The following CGNL1 variants were observed in gnomAD, a reference collection of about 807,000 sequenced individuals.
CGNL1 encodes the protein cingulin-like protein 1.
CGNL1 carries 132 observed loss-of-function variants against 141.2 expected under a neutral mutation model. That is an observed-to-expected ratio of 0.93 (90% confidence interval 0.81 to 1.08). The LOEUF is 1.08. CGNL1 is among the 50% of genes least tolerant of loss of function. The probability of loss-of-function intolerance (pLI) is 0.00; values close to 1 mark genes in which losing one functional copy is unlikely to be tolerated. For missense variants in CGNL1, 1,870 were observed against 1,588.6 expected (o/e 1.18, Z -3.01); for synonymous variants, 690 against 622.1 (o/e 1.11, Z -1.63).
At chr15:57,486,085 T>G (rs754043616) in intron 8 of CGNL1, among the ~76,000 whole-genome samples, 2 of 152,144 alleles carry the variant, frequency 1.3e-5, no homozygotes, top group African/African-American at 4.8e-5. Context: ...GGGCCCGGGC[T>G]GACTCAGGCA....
chr15:57,533,059 C>T (rs1434976244), intron 14 of CGNL1, among the ~76,000 whole-genome samples: 2 of 152,210 alleles, frequency 1.3e-5, no homozygotes, highest in African/African-American at 2.4e-5. Flanking sequence ...CAAAGTAGAA[C>T]GTGAATCCCT....
At chr15:57,505,931 G>A (rs2064095925) in intron 8 of CGNL1, among the ~76,000 whole-genome samples, 1 of 152,204 alleles carries the variant, frequency 6.6e-6, no homozygotes, top group Non-Finnish European at 1.5e-5. Flanking sequence ...GTAGCAAAAT[G>A]GGAAAGTTGA....
At chr15:57,439,732 T>C in intron 2 of CGNL1, 131 bp downstream of exon 2, 1 of 934,592 alleles carries the variant, frequency 1.1e-6, no homozygotes, top group South Asian at 1.7e-5. Flanking sequence ...ACAGCTGATC[T>C]GTTTCAGGAT....
chr15:57,419,970 G>C (rs1398452709), intron 1 of CGNL1, among the ~76,000 whole-genome samples: 3 of 152,154 alleles, frequency 2.0e-5, no homozygotes, highest in South Asian at 2.1e-4. Flanking sequence ...TATAAGTGTG[G>C]ATTCATGGAT....
intron 1 of CGNL1, among the ~76,000 whole-genome samples, chr15:57,403,175 A>G (rs1396722016): frequency 1.3e-5 from 2 of 152,194 alleles, no homozygotes; most frequent in African/African-American, 4.8e-5. Flanking sequence ...CTGTCTGCTC[A>G]GTGGCAACCT....
At chr15:57,478,060 A>G (rs1214161308) in intron 8 of CGNL1, 1 of 152,194 alleles carries the variant, frequency 6.6e-6, no homozygotes, top group East Asian at 1.9e-4. Context: ...TAAGGCCCCA[A>G]AATAACTTCT....
At chr15:57,517,346 T>G (rs757117718) in intron 9 of CGNL1, among the ~76,000 whole-genome samples, 3 of 152,246 alleles carry the variant, frequency 2.0e-5, no homozygotes, top group African/African-American at 7.2e-5. Context: ...TATTCTTTTT[T>G]AACTCATTGT....
chr15:57,496,144 C>A (rs192243805), intron 8 of CGNL1, among the ~76,000 whole-genome samples: 1 of 152,094 alleles, frequency 6.6e-6, no homozygotes, highest in Admixed American at 6.5e-5. Flanking sequence ...CTTACCAAGG[C>A]GACAAATACA....
intron 4 of CGNL1, among the ~76,000 whole-genome samples, chr15:57,445,426 G>A (rs1246535784): frequency 6.6e-6 from 1 of 152,162 alleles, no homozygotes; most frequent in Admixed American, 6.5e-5. Flanking sequence ...TGCTGGCAAA[G>A]GTTTTAGAGT....
intron 1 of CGNL1, among the ~76,000 whole-genome samples, chr15:57,381,540 C>T (rs748061269): frequency 6.6e-6 from 1 of 152,052 alleles, no homozygotes; most frequent in Non-Finnish European, 1.5e-5. Flanking sequence ...CAGCCTGAGT[C>T]ACAGAGTGAG....
chr15:57,545,741 C>A (rs759762716), intron 17 of CGNL1, 41 bp downstream of exon 17: 9 of 1,522,018 alleles, frequency 5.9e-6, no homozygotes, highest in East Asian at 4.6e-5. Context: ...GATGAGATTG[C>A]GTGTCTCAGG....
chr15:57,506,014 G>T (rs1391657905), intron 8 of CGNL1, among the ~76,000 whole-genome samples: 1 of 152,352 alleles, frequency 6.6e-6, no homozygotes, highest in East Asian at 1.9e-4. Flanking sequence ...GAGTAGGCCT[G>T]TGAGCTTCCA....
chr15:57,444,490 TA>T (rs2063227930), intron 4 of CGNL1, among the ~76,000 whole-genome samples: 2 of 152,172 alleles, frequency 1.3e-5, no homozygotes, highest in Non-Finnish European at 2.9e-5. Flanking sequence ...GTTTAACTCG[TA>T]AATTATACCT....
chr15:57,424,103 C>T (rs1041020630), intron 1 of CGNL1, among the ~76,000 whole-genome samples: 64 of 152,344 alleles, frequency 4.2e-4, no homozygotes, highest in African/African-American at 1.5e-3. Context: ...CTCCTGCCCA[C>T]TCCTCTGCCC....
chr15:57,534,449 A>G (rs1595807218), intron 14 of CGNL1, among the ~76,000 whole-genome samples: 1 of 152,096 alleles, frequency 6.6e-6, no homozygotes, highest in Non-Finnish European at 1.5e-5. Context: ...TGGGCCAAAT[A>G]CCCGCCTCCC....
intron 8 of CGNL1, among the ~76,000 whole-genome samples, chr15:57,474,908 G>T (rs2063632072): frequency 6.6e-6 from 1 of 152,186 alleles, no homozygotes; most frequent in South Asian, 2.1e-4. Flanking sequence ...CCTCTCCTAA[G>T]GCAGGTCAAG....
At chr15:57,518,042 G>A (rs1464225392) in intron 9 of CGNL1, among the ~76,000 whole-genome samples, 1 of 151,326 alleles carries the variant, frequency 6.6e-6, no homozygotes, top group Non-Finnish European at 1.5e-5. Flanking sequence ...GCTCATGCCT[G>A]TAATTCCAGC....
chr15:57,468,766 A>T (rs1011970725), intron 8 of CGNL1, among the ~76,000 whole-genome samples: 2 of 152,118 alleles, frequency 1.3e-5, no homozygotes, highest in Non-Finnish European at 2.9e-5. Context: ...CATAATTCCC[A>T]CATGTTGTGG....
At chr15:57,512,281 TA>T (rs2152401054) in intron 8 of CGNL1, among the ~76,000 whole-genome samples, 1 of 152,328 alleles carries the variant, frequency 6.6e-6, no homozygotes, top group East Asian at 1.9e-4. Flanking sequence ...TTAGGATTTT[TA>T]TTTTTATTTT....
Sources: allele counts gnomAD v4.1 joint callset (sites outside exome capture counted in the v4.1 genomes callset), GRCh38; gene constraint gnomAD v4.1.1; transcripts MANE v1.5; gene names NCBI Gene and HGNC (gene_info 2026-07-23, HGNC 2026-07-21).